Variants in AOPEP observed in about 807,000 individuals in gnomAD.
The protein encoded by AOPEP is aminopeptidase O.
AOPEP carries 77 observed loss-of-function variants against 98.1 expected under a neutral mutation model. The ratio of observed to expected loss-of-function variants is 0.78; its 90% CI spans 0.65 to 0.95. The LOEUF (loss-of-function observed/expected upper bound fraction) is 0.95. AOPEP is among the 40% of genes least tolerant of loss of function. The pLI is 0.00. For synonymous variants in AOPEP, 346 were observed against 365.3 expected, an observed-to-expected ratio of 0.95 and a Z score of 0.60; for missense variants, 1,024 against 1,024.7, an observed-to-expected ratio of 1.00 and a Z score of 0.01.
chr9:95,070,156 G>A (rs895981958), intron 14 of AOPEP, among the ~76,000 whole-genome samples: 27 of 152,332 alleles, frequency 1.8e-4, no homozygotes, highest in Admixed American at 2.6e-4. Context: ...GAAGCCCCTG[G>A]GGCAGTCCCC....
At chr9:94,896,820 G>A (rs1471916022) in intron 5 of AOPEP, among the ~76,000 whole-genome samples, 2 of 151,744 alleles carry the variant, frequency 1.3e-5, no homozygotes, top group East Asian at 1.9e-4. Flanking sequence ...TAAGGAATTC[G>A]GAGTGAACTA....
intron 7 of AOPEP, among the ~76,000 whole-genome samples, chr9:94,947,896 C>A (rs1212471579): frequency 3.3e-5 from 5 of 152,206 alleles, no homozygotes; most frequent in Non-Finnish European, 7.3e-5. Flanking sequence ...ACATCACCTC[C>A]CCCAGTGGGA....
chr9:94,798,329 C>T (rs1263129604), intron 4 of AOPEP, among the ~76,000 whole-genome samples: 2 of 152,212 alleles, frequency 1.3e-5, no homozygotes, highest in Non-Finnish European at 1.5e-5. Context: ...TCATCTTCAT[C>T]ATCTGAGCTA....
At chr9:94,846,867 C>A (rs79571282) in intron 5 of AOPEP, among the ~76,000 whole-genome samples, 1 of 152,006 alleles carries the variant, frequency 6.6e-6, no homozygotes, top group Admixed American at 6.6e-5. Context: ...CCAGGGATGG[C>A]GCCACTGCTC....
chr9:95,081,172 G>C (rs959001269), intron 15 of AOPEP, among the ~76,000 whole-genome samples: 3 of 152,192 alleles, frequency 2.0e-5, no homozygotes, highest in Admixed American at 2.0e-4. Flanking sequence ...GGACAGTCTC[G>C]GTCTGTACCT....
chr9:95,031,227 A>G (rs2064270316), intron 13 of AOPEP, among the ~76,000 whole-genome samples: 1 of 152,242 alleles, frequency 6.6e-6, no homozygotes, highest in Admixed American at 6.5e-5. Context: ...TTATTTTGGC[A>G]GTTAATAGAT....
intron 1 of AOPEP, among the ~76,000 whole-genome samples, chr9:94,731,042 C>G (rs1240387224): frequency 6.6e-6 from 1 of 152,090 alleles, no homozygotes; most frequent in Non-Finnish European, 1.5e-5. Flanking sequence ...GGTTAGGGAG[C>G]AGGTTGGAAA....
chr9:95,126,321 A>G, the AOPEP span, among the ~76,000 whole-genome samples: 2 of 152,230 alleles, frequency 1.3e-5, no homozygotes, highest in Non-Finnish European at 2.9e-5. Context: ...AAATAAAGTT[A>G]TCTTAATTCT....
chr9:95,016,245 A>ATTTTTTTTTTTTTTTTTTTTTTT (rs532120566), intron 13 of AOPEP, among the ~76,000 whole-genome samples: 1 of 123,656 alleles, frequency 8.1e-6, no homozygotes. Context: ...TTCTCTTGTG[A>ATTTTTTTTTTTTTTTTTTTTTTT]TTTTTTTTTT....
chr9:94,966,295 C>T (rs902062811), intron 9 of AOPEP, among the ~76,000 whole-genome samples: 3 of 151,566 alleles, frequency 2.0e-5, no homozygotes, highest in African/African-American at 7.3e-5. Context: ...TGGGAGGCTT[C>T]GGTCTGCAGT....
chr9:94,819,072 A>T (rs1000705109), intron 5 of AOPEP, among the ~76,000 whole-genome samples: 1 of 152,224 alleles, frequency 6.6e-6, no homozygotes, highest in African/African-American at 2.4e-5. Context: ...TCCCACCTGG[A>T]TTAAACTAGA....
chr9:94,779,913 C>G (rs992091768), intron 3 of AOPEP, among the ~76,000 whole-genome samples: 1 of 152,188 alleles, frequency 6.6e-6, no homozygotes, highest in Non-Finnish European at 1.5e-5. Flanking sequence ...CCAAAAGCAT[C>G]ATCCTTATGT....
the AOPEP span, chr9:95,099,653 A>C: frequency 4.3e-6 from 1 of 231,630 alleles, no homozygotes; most frequent in African/African-American, 2.2e-5. Flanking sequence ...ACATGAAGCC[A>C]GCAGGCACTT....
intron 1 of AOPEP, among the ~76,000 whole-genome samples, chr9:94,748,074 C>G (rs1331962775): frequency 6.6e-6 from 1 of 152,088 alleles, no homozygotes; most frequent in Admixed American, 6.5e-5. Context: ...AAAATAAAGA[C>G]TTTCTAATAA....
intron 5 of AOPEP, among the ~76,000 whole-genome samples, chr9:94,818,184 A>G (rs1476676511): frequency 6.6e-6 from 1 of 152,202 alleles, no homozygotes; most frequent in Non-Finnish European, 1.5e-5. Context: ...ACTCATCTCC[A>G]GAACTCTTGT....
At chr9:95,143,574 A>T in the AOPEP span, among the ~76,000 whole-genome samples, 1 of 152,184 alleles carries the variant, frequency 6.6e-6, no homozygotes, top group Non-Finnish European at 1.5e-5. Flanking sequence ...TGAAGACCAA[A>T]TGCACATTTC....
the AOPEP span, among the ~76,000 whole-genome samples, chr9:95,130,721 A>C: frequency 1.3e-5 from 2 of 152,188 alleles, no homozygotes; most frequent in African/African-American, 2.4e-5. Flanking sequence ...TTCTCTCCAC[A>C]GTGGGAAGCC....
chr9:94,926,800 CG>C (rs893896421), intron 6 of AOPEP, among the ~76,000 whole-genome samples: 8 of 128,220 alleles, frequency 6.2e-5, no homozygotes, highest in African/African-American at 2.4e-4. Context: ...ATGGTGGGGC[CG>C]GGGGTGGGTT....
At chr9:94,857,619 A>G (rs2044382279) in intron 5 of AOPEP, among the ~76,000 whole-genome samples, 1 of 152,172 alleles carries the variant, frequency 6.6e-6, no homozygotes, top group South Asian at 2.1e-4. Context: ...CTACCTATCT[A>G]TCTTATAAAA....
Sources: gnomAD v4.1 joint callset for allele counts (sites outside exome capture counted in the v4.1 genomes callset) on GRCh38, gnomAD v4.1.1 for gene constraint, MANE v1.5 for transcripts, NCBI Gene and HGNC (gene_info 2026-07-23, HGNC 2026-07-21) for gene names.